RALYL: variants seen among roughly 807,000 people sequenced by gnomAD.
RALYL encodes RNA-binding Raly-like protein.
RALYL carries 29 observed loss-of-function variants against 35.1 expected under a neutral mutation model. That is an observed-to-expected ratio of 0.83 (90% CI 0.61 to 1.13). RALYL has a LOEUF of 1.13. Among genes scored for constraint, RALYL ranks in the 50% most tolerant of loss-of-function variants. RALYL has a pLI of 0.00. For synonymous variants in RALYL, 120 were observed against 127.6 expected (o/e 0.94, Z 0.40); for missense variants, 359 against 360.4 (o/e 1.00, Z 0.03).
intron 2 of RALYL, among the ~76,000 whole-genome samples, chr8:84,771,922 T>C (rs1045479166): frequency 3.9e-5 from 6 of 152,108 alleles, no homozygotes; most frequent in Admixed American, 2.0e-4. Flanking sequence ...GGTTTAAGAT[T>C]ATCCTCCCAT....
intron 1 of RALYL, among the ~76,000 whole-genome samples, chr8:84,527,141 C>T (rs866065935): frequency 2.6e-5 from 4 of 151,990 alleles, no homozygotes; most frequent in African/African-American, 4.8e-5. Context: ...ACTGACAAGT[C>T]GGTGGTTGTG....
intron 1 of RALYL, among the ~76,000 whole-genome samples, chr8:84,207,880 A>G (rs1818453309): frequency 6.6e-6 from 1 of 151,534 alleles, no homozygotes; most frequent in Admixed American, 6.6e-5. Context: ...TACAATTTTT[A>G]TGTGTCATAC....
intron 1 of RALYL, among the ~76,000 whole-genome samples, chr8:84,464,466 T>C (rs567420286): frequency 3.3e-5 from 5 of 151,570 alleles, no homozygotes; most frequent in Admixed American, 2.0e-4. Flanking sequence ...ACAAAGGACA[T>C]GAACTCATCA....
rs374358565 is a variant in RALYL at position 84,813,863 on chromosome 8, T to C, written c.365+9061T>C. Among the ~76,000 whole-genome samples, 78 of 152,080 alleles carry C rather than the reference T, an allele frequency of 5.1e-4. 1 individual carries two copies. The South Asian group carries it at 0.015, about 30-fold the overall frequency. ...TGTTGGTGTGCTGCACCTATTAACT[T>C]GTCATTTACAGGAGGTGTATCTCCT... On this transcript the variant is annotated intron_variant, in intron 4 of 8. Transcript: ENST00000521268.
At chr8:84,496,971 G>A (rs2056101136) in intron 1 of RALYL, among the ~76,000 whole-genome samples, 1 of 152,124 alleles carries the variant, frequency 6.6e-6, no homozygotes, top group Admixed American at 6.6e-5. Flanking sequence ...CTAAACATAT[G>A]AAGAATAACC....
chr8:84,700,001 C>T (rs112051645), intron 2 of RALYL, among the ~76,000 whole-genome samples: 4 of 152,120 alleles, frequency 2.6e-5, no homozygotes, highest in East Asian at 1.9e-4. Flanking sequence ...CCATTAAATA[C>T]TTGAACCCAT....
chr8:84,644,317 TTTA>T (rs1229377230), intron 2 of RALYL, among the ~76,000 whole-genome samples: 2 of 152,038 alleles, frequency 1.3e-5, no homozygotes, highest in Admixed American at 1.3e-4. Context: ...ACAGGTTAAA[TTTA>T]TTATTCATAC....
chr8:84,258,112 T>C (rs981216149), intron 1 of RALYL, among the ~76,000 whole-genome samples: 7 of 152,132 alleles, frequency 4.6e-5, no homozygotes, highest in African/African-American at 1.7e-4. Context: ...GGGGCCGAAG[T>C]AGCCACATGT....
intron 2 of RALYL, among the ~76,000 whole-genome samples, chr8:84,760,521 C>T (rs986292171): frequency 4.6e-5 from 7 of 151,948 alleles, no homozygotes; most frequent in South Asian, 2.1e-4. Flanking sequence ...AAAATATCAG[C>T]GTATTTCCAC....
At chr8:84,266,946 C>G (rs1362303231) in intron 1 of RALYL, among the ~76,000 whole-genome samples, 3 of 126,774 alleles carry the variant, frequency 2.4e-5, no homozygotes, top group Non-Finnish European at 4.7e-5. Context: ...GGCGACAGAG[C>G]GAGACTCCGT....
At chr8:84,856,478 T>C (rs1279393120) in intron 5 of RALYL, among the ~76,000 whole-genome samples, 1 of 152,222 alleles carries the variant, frequency 6.6e-6, no homozygotes, top group Non-Finnish European at 1.5e-5. Context: ...AACTTGCCTT[T>C]AAAAGCATGT....
At chr8:84,319,499 C>A (rs1193044522) in intron 1 of RALYL, among the ~76,000 whole-genome samples, 1 of 152,008 alleles carries the variant, frequency 6.6e-6, no homozygotes, top group Non-Finnish European at 1.5e-5. Flanking sequence ...ACTAGTTGTT[C>A]TTTTTCATTG....
At chr8:84,672,828 G>A (rs1009025259) in intron 2 of RALYL, among the ~76,000 whole-genome samples, 2 of 152,178 alleles carry the variant, frequency 1.3e-5, no homozygotes, top group African/African-American at 4.8e-5. Flanking sequence ...TGTGGGGATT[G>A]TGGGAGCTAC....
At chr8:84,918,826 T>C (rs1461410340) in intron 8 of RALYL, among the ~76,000 whole-genome samples, 2 of 152,116 alleles carry the variant, frequency 1.3e-5, no homozygotes, top group Non-Finnish European at 2.9e-5. Flanking sequence ...TCTTTTGTTT[T>C]ATTCAAATGC....
At chr8:84,840,267 T>C (rs1210158960) in intron 4 of RALYL, among the ~76,000 whole-genome samples, 5 of 150,176 alleles carry the variant, frequency 3.3e-5, no homozygotes. Context: ...TGCAGAGAAG[T>C]CCTTAAAGGA....
rs112537708 is a variant in RALYL at position 84,624,195 on chromosome 8, C to T, written c.256+94618C>T. ...CAGCCCTTTCTGTGTTTAGACATCACTAATTTTTAGAAAACCTTTTCTTAC... is the reference window on the plus strand; with the variant it reads ...CAGCCCTTTCTGTGTTTAGACATCATTAATTTTTAGAAAACCTTTTCTTAC... On this transcript the variant is annotated intron_variant, in intron 2 of 8. Transcript: ENST00000521268. Among the ~76,000 whole-genome samples, 1,072 of 152,274 alleles carry T rather than the reference C, an allele frequency of 7.0e-3. 10 individuals are homozygous for T. Among genetic ancestry groups the T allele is most frequent in the Middle Eastern group, 0.014 (4 of 294 alleles).
chr8:84,536,802 C>T (rs867278424), intron 2 of RALYL, among the ~76,000 whole-genome samples: 24 of 152,162 alleles, frequency 1.6e-4, no homozygotes, highest in African/African-American at 5.5e-4. Flanking sequence ...GATAGGTTAA[C>T]AAAACTTCCA....
At chr8:84,839,430 C>T (rs576857303) in intron 4 of RALYL, among the ~76,000 whole-genome samples, 31 of 152,318 alleles carry the variant, frequency 2.0e-4, no homozygotes, top group African/African-American at 7.0e-4. Context: ...GAGGGATGCC[C>T]GCCATTGCCC....
chr8:84,334,162 G>A (rs185962161), intron 1 of RALYL, among the ~76,000 whole-genome samples: 110 of 152,200 alleles, frequency 7.2e-4, no homozygotes, highest in Non-Finnish European at 1.1e-3. Flanking sequence ...GGGATTATAG[G>A]TGTGAGCCAC....
Sources: allele counts gnomAD v4.1 joint callset (sites outside exome capture counted in the v4.1 genomes callset), GRCh38; gene constraint gnomAD v4.1.1; transcripts MANE v1.5; gene names NCBI Gene and HGNC (gene_info 2026-07-23, HGNC 2026-07-21).